FBXO21: variants seen among roughly 807,000 people sequenced by gnomAD.
FBXO21 encodes F-box protein 21.
FBXO21 carries 32 observed loss-of-function variants against 76.6 expected under a neutral mutation model. The observed-to-expected ratio is 0.42, with a 90% CI of 0.32 to 0.56. The LOEUF is 0.56. FBXO21 is among the 20% of genes least tolerant of loss of function. FBXO21 has a pLI of 0.16. For missense variants in FBXO21, 586 were observed against 797.3 expected (o/e 0.73, Z 3.19); for synonymous variants, 328 against 311.5 (o/e 1.05, Z -0.56).
chr12:117,161,392 G>T (rs1013676849), intron 9 of FBXO21, among the ~76,000 whole-genome samples: 1 of 152,144 alleles, frequency 6.6e-6, no homozygotes, highest in African/African-American at 2.4e-5. Context: ...AGACCGCCGA[G>T]AACCTAAAAG....
At chr12:117,186,078 C>T (rs770518323) in intron 3 of FBXO21, among the ~76,000 whole-genome samples, 10 of 152,220 alleles carry the variant, frequency 6.6e-5, no homozygotes, top group African/African-American at 2.2e-4. Flanking sequence ...GGTTTCACCA[C>T]GTTGGCCAGG....
At chr12:117,148,934 T>C (rs537942801) in intron 11 of FBXO21, among the ~76,000 whole-genome samples, 1 of 152,200 alleles carries the variant, frequency 6.6e-6, no homozygotes, top group African/African-American at 2.4e-5. Flanking sequence ...TAGAGATGAT[T>C]TTCTCTTGGG....
At chr12:117,168,408 C>G (rs1340357727) in intron 7 of FBXO21, among the ~76,000 whole-genome samples, 1 of 152,034 alleles carries the variant, frequency 6.6e-6, no homozygotes, top group Non-Finnish European at 1.5e-5. Context: ...CCTGAAATCC[C>G]AGCTACTCGG....
intron 6 of FBXO21, among the ~76,000 whole-genome samples, chr12:117,173,874 T>C (rs1219929996): frequency 6.6e-6 from 1 of 152,180 alleles, no homozygotes; most frequent in Admixed American, 6.5e-5. Flanking sequence ...ATGGGCACAG[T>C]GGCTCACACC....
rs1472395903 is a variant in FBXO21 at position 117,145,460 on chromosome 12, A to G, written c.*627T>C. On this transcript the variant is annotated 3_prime_UTR_variant, in exon 12 of 12. Transcript: ENST00000622495. ...TGTGTTATATTCCCATTTAAATTTAAAAAAAAAAGATAAAACACTTGAAAT... is the reference window on the plus strand; with the variant it reads ...TGTGTTATATTCCCATTTAAATTTAGAAAAAAAAGATAAAACACTTGAAAT... 3 of 151,076 alleles carry G rather than the reference A, an allele frequency of 2.0e-5. No individual in the cohort carries two copies. Among genetic ancestry groups the G allele is most frequent in the Non-Finnish European group, 4.4e-5 (3 of 67,772 alleles). The allele number at this position is 151,076 out of a possible 1,614,324, so 9.4% of individuals were successfully genotyped here.
intron 3 of FBXO21, among the ~76,000 whole-genome samples, chr12:117,182,075 TAC>T (rs1310981396): frequency 1.3e-5 from 2 of 152,250 alleles, no homozygotes; most frequent in Admixed American, 6.5e-5. Context: ...TTATGGAAAC[TAC>T]ACTTTTTCCT....
At chr12:117,184,724 C>T (rs1390714238) in intron 3 of FBXO21, among the ~76,000 whole-genome samples, 1 of 152,070 alleles carries the variant, frequency 6.6e-6, no homozygotes, top group Non-Finnish European at 1.5e-5. Flanking sequence ...CCAGCCTGGG[C>T]TACAAGAGCG....
At chr12:117,169,469 A>G (rs1029008854) in intron 7 of FBXO21, among the ~76,000 whole-genome samples, 3 of 152,218 alleles carry the variant, frequency 2.0e-5, no homozygotes, top group Non-Finnish European at 2.9e-5. Context: ...AAAGTTAAAA[A>G]AAGAAATTCT....
rs190219680 is a variant in FBXO21 at position 117,167,792 on chromosome 12, G to C, written c.1014-715C>G. 3.1e-4 allele frequency among the ~76,000 whole-genome samples: 47 copies of C among 152,034 alleles called. 2 individuals carry two copies. Among genetic ancestry groups the C allele is most frequent in the Admixed American group, 3.1e-3 (47 of 15,258 alleles). ...CAGCACCTCACACCAGAAGGATTCGGCCATCAGTTCTGCTGACATGCTGAG... is the reference window on the plus strand; with the variant it reads ...CAGCACCTCACACCAGAAGGATTCGCCCATCAGTTCTGCTGACATGCTGAG... On this transcript the variant is annotated intron_variant, in intron 7 of 11. Transcript: ENST00000622495.
At chr12:117,189,121 A>T in intron 2 of FBXO21, 106 bp downstream of exon 2, 3 of 1,254,194 alleles carry the variant, frequency 2.4e-6, no homozygotes, top group Non-Finnish European at 3.5e-6. Context: ...GGATTGTGAG[A>T]GCATTGAAAA....
chr12:117,158,029 T>C lies in FBXO21; in HGVS notation c.1361A>G (p.Asp454Gly). 6.2e-7 allele frequency: 1 copy of C among 1,614,130 alleles called. No homozygotes were observed. Among genetic ancestry groups the C allele is most frequent in the Non-Finnish European group, 8.5e-7 (1 of 1,180,006 alleles). Residue 454 changes from aspartate to glycine, a missense_variant, in exon 10 of 12, where the codon GAC becomes GGC. Transcript: ENST00000622495. ...GCCCACCGCCCCGTGCTGCCCCGGG[T>C]CTAGGGTTTGGATGTGCTGGAGGAT... Reference protein sequence around the residue: ...LDILQHIQTLDPGQHGAVGYL... With the variant: ...LDILQHIQTLGPGQHGAVGYL...
At position 117,149,570 on chromosome 12, in the gene FBXO21, T is replaced by A. The variant is rs372124732; in HGVS notation, c.1676-3293A>T. On this transcript the variant is annotated intron_variant, in intron 11 of 11. Transcript: ENST00000622495. The stretch of plus-strand genomic sequence containing the variant: ...GCCTGCAGACATGTTTGGTTGTAAC[T>A]GAGAGCTGCTGCCAGCTTGCAGTGG... Among the ~76,000 whole-genome samples, 12 of 152,324 alleles carry A rather than the reference T, an allele frequency of 7.9e-5. No individual in the cohort carries two copies. The East Asian group carries it at 2.1e-3, about 27-fold the overall frequency.
In FBXO21 at chr12:117,186,522, AT is replaced by A. The variant is rs776080425; in HGVS notation, c.424del (p.Ile142PhefsTer11). The A allele has an allele frequency of 6.2e-7, 1 of 1,613,536 alleles. No individual in the cohort carries two copies. Among genetic ancestry groups the A allele is most frequent in the Non-Finnish European group, 8.5e-7 (1 of 1,179,824 alleles). ...ACACACCAGTTCATCCTCAAAAAAA[AT>A]CTCTGGTCCTTCAAGGTTCTCAATG... is the stretch of plus-strand genomic sequence containing the variant. ...SDIENLEGPE[I>X]FFEDELVCIL... On this transcript the variant is annotated frameshift_variant, in exon 3 of 12. Coordinates refer to ENST00000622495, the MANE Select transcript of FBXO21 (RefSeq NM_015002.3). LOFTEE classifies it high-confidence loss of function.
chr12:117,172,697 A>T (rs1449218720), intron 6 of FBXO21, 90 bp from the exon 7 acceptor site: 5 of 1,331,308 alleles, frequency 3.8e-6, no homozygotes, highest in African/African-American at 1.5e-5. Flanking sequence ...CCTATTGTGC[A>T]TTGGGCATGA....
At chr12:117,154,967 C>T (rs1353200210) in intron 11 of FBXO21, 2 of 152,164 alleles carry the variant, frequency 1.3e-5, no homozygotes, top group South Asian at 2.1e-4. Flanking sequence ...GCCTCAGTTT[C>T]CTCACCTAGA....
At chr12:117,172,631 T>C (rs1453046016) in intron 6 of FBXO21, 24 bp from the exon 7 acceptor site, 10 of 1,607,680 alleles carry the variant, frequency 6.2e-6, no homozygotes, top group African/African-American at 1.3e-5. Flanking sequence ...AATGCTTTTA[T>C]TTCACTGGGA....
At chr12:117,170,028 C>T (rs1453436430) in intron 7 of FBXO21, among the ~76,000 whole-genome samples, 1 of 150,718 alleles carries the variant, frequency 6.6e-6, no homozygotes, top group Non-Finnish European at 1.5e-5. Flanking sequence ...ATTATTAGCA[C>T]TAACGATTTA....
In FBXO21 at chr12:117,171,805, A is replaced by C. The variant is rs189423654; in HGVS notation, c.1013+666T>G. ...TCTTTTTCCCCTAAATTGTAGATTT[A>C]ATGAGAATATATTTCTACCTGTTGA... On this transcript the variant is annotated intron_variant, in intron 7 of 11. Coordinates refer to ENST00000622495, the MANE Select transcript of FBXO21 (RefSeq NM_015002.3). 2.0e-5 allele frequency among the ~76,000 whole-genome samples: 3 copies of C among 152,356 alleles called. No individual in the cohort carries two copies. The East Asian group carries it at 5.8e-4, about 29-fold the overall frequency.
chr12:117,158,146 T>A (rs1318930276), intron 9 of FBXO21, 83 bp from the exon 10 acceptor site: 19 of 1,503,528 alleles, frequency 1.3e-5, no homozygotes, highest in Non-Finnish European at 1.6e-5. Context: ...TAGACCTACC[T>A]ACGTAACCTA....
Sources: allele counts gnomAD v4.1 joint callset (sites outside exome capture counted in the v4.1 genomes callset), GRCh38; gene constraint gnomAD v4.1.1; transcripts MANE v1.5; gene names NCBI Gene and HGNC (gene_info 2026-07-23, HGNC 2026-07-21).